Variants in MAMDC2 observed in about 807,000 individuals in gnomAD.
The protein encoded by MAMDC2 is MAM domain containing 2.
In MAMDC2, 57 loss-of-function variants were observed where a neutral mutation model predicts 89.8. The ratio of observed to expected loss-of-function variants is 0.63; its 90% CI spans 0.51 to 0.79. MAMDC2 has a LOEUF of 0.79. Among genes scored for constraint, MAMDC2 ranks in the 30% least tolerant of loss-of-function variants. MAMDC2 has a pLI of 0.00. For missense variants in MAMDC2, 800 were observed against 820.6 expected, an observed-to-expected ratio of 0.97 and a Z score of 0.31; for synonymous variants, 313 against 293.4, an observed-to-expected ratio of 1.07 and a Z score of -0.68.
chr9:70,096,649 A>C (rs1190914311), intron 2 of MAMDC2, among the ~76,000 whole-genome samples: 1 of 152,178 alleles, frequency 6.6e-6, no homozygotes, highest in Non-Finnish European at 1.5e-5. Context: ...GTAATGAGGA[A>C]GCAGGAGAGA....
chr9:70,143,923 G>C (rs2031311316), intron 9 of MAMDC2, 104 bp downstream of exon 9: 3 of 1,392,940 alleles, frequency 2.2e-6, no homozygotes, highest in African/African-American at 1.4e-5. Flanking sequence ...TTTTCCTTCT[G>C]TTCAGGCCTA....
intron 11 of MAMDC2, among the ~76,000 whole-genome samples, chr9:70,198,589 C>G (rs1365378284): frequency 6.6e-6 from 1 of 152,046 alleles, no homozygotes; most frequent in African/African-American, 2.4e-5. Flanking sequence ...AAAAGTCATT[C>G]AGTTCTCTCT....
chr9:70,044,715 A>G lies in MAMDC2; in HGVS notation c.148+18A>G. ...TGAGGAAGGTAAGGAGGCTCGGTGG[A>G]GAGGGGCGCGAAGTGAACTTTCTTC... On this transcript the variant is annotated intron_variant, in intron 2 of 13. Coordinates refer to ENST00000377182, the MANE Select transcript of MAMDC2 (RefSeq NM_153267.5). The G allele has an allele frequency of 6.6e-7, 1 of 1,525,746 alleles. No homozygotes were observed. The highest frequency in any genetic ancestry group is 8.9e-7 in the Non-Finnish European group (1 of 1,123,832). The allele number at this position is 1,525,746 out of a possible 1,614,324, so 94.5% of individuals were successfully genotyped here. A position where few individuals can be genotyped will look rare whatever the true frequency, so the allele number is the denominator to read the frequency against.
rs377749607 is a variant in MAMDC2 at position 70,189,842 on chromosome 9, ATTCT to A, written c.1651+19217_1651+19220del. Among the ~76,000 whole-genome samples, 29 of 151,658 alleles carry A rather than the reference ATTCT, an allele frequency of 1.9e-4. 2 individuals carry two copies. Among genetic ancestry groups the A allele is most frequent in the African/African-American group, 6.8e-4 (28 of 41,366 alleles). ...CATTGACCTGCCTTCAAGTTTAGTGATTCTTTCTTCTGCTAGTTCCAATCTGCTG... is the reference window on the plus strand; with the variant it reads ...CATTGACCTGCCTTCAAGTTTAGTGATTCTTCTGCTAGTTCCAATCTGCTG... On this transcript the variant is annotated intron_variant, in intron 11 of 13. Transcript: ENST00000377182.
At chr9:70,143,967 T>A (rs2031312765) in intron 9 of MAMDC2, 148 bp downstream of exon 9, 2 of 892,360 alleles carry the variant, frequency 2.2e-6, no homozygotes, top group African/African-American at 3.3e-5. Flanking sequence ...CCCAGCCACA[T>A]ACAGGTTAAT....
At chr9:70,095,305 G>A (rs1927105) in intron 2 of MAMDC2, among the ~76,000 whole-genome samples, 1 of 152,280 alleles carries the variant, frequency 6.6e-6, no homozygotes, top group East Asian at 1.9e-4. Context: ...CACTCTGGCT[G>A]TAGTGTGGAG....
intron 11 of MAMDC2, among the ~76,000 whole-genome samples, chr9:70,199,420 T>A (rs1468686667): frequency 6.7e-6 from 1 of 148,410 alleles, no homozygotes; most frequent in Non-Finnish European, 1.5e-5. Flanking sequence ...ATGGTGTATA[T>A]GTGCCACATT....
intron 11 of MAMDC2, among the ~76,000 whole-genome samples, chr9:70,207,259 G>A (rs1020445990): frequency 5.3e-5 from 8 of 152,172 alleles, no homozygotes; most frequent in Non-Finnish European, 2.9e-5. Context: ...GTGTAAAAGT[G>A]TTCCTATTTC....
chr9:70,044,222 G>A lies in MAMDC2; in HGVS notation c.25G>A (p.Ala9Thr), dbSNP rs1826675201. The A allele has an allele frequency of 1.2e-6, 2 of 1,613,312 alleles. No homozygotes were observed. The highest frequency in any genetic ancestry group is 2.7e-5 in the African/African-American group (2 of 75,040). The change falls in exon 1 of 14, where the codon GCG becomes ACG. Residue 9 changes from alanine (A) to threonine (T), a missense_variant. Ala to Thr is a moderately conservative substitution (Grantham distance 58). Transcript: ENST00000377182. ...CATGCTGTTAAGGGGCGTCCTCCTG[G>A]CGTTGCAAGGTAAGGCCTGGACCCC... MLLRGVLL[A>T]LQALQLAGAL... is the part of the protein sequence containing the mutation.
chr9:70,214,395 A>G (rs965204391), intron 11 of MAMDC2, among the ~76,000 whole-genome samples: 1 of 152,208 alleles, frequency 6.6e-6, no homozygotes, highest in African/African-American at 2.4e-5. Context: ...GCCATATTCC[A>G]GGAATAATAC....
chr9:70,209,808 G>T (rs1380546521), intron 11 of MAMDC2, among the ~76,000 whole-genome samples: 3 of 152,194 alleles, frequency 2.0e-5, no homozygotes, highest in African/African-American at 7.2e-5. Context: ...TGCTTTAAAT[G>T]TGTGCCAGAG....
intron 2 of MAMDC2, among the ~76,000 whole-genome samples, chr9:70,048,387 G>T (rs1301472372): frequency 2.0e-5 from 3 of 152,166 alleles, no homozygotes; most frequent in African/African-American, 7.2e-5. Flanking sequence ...TGATTCTCCT[G>T]CCTCAGCCTC....
At chr9:70,153,154 CTTTA>C (rs1291130172) in intron 9 of MAMDC2, 1 of 152,058 alleles carries the variant, frequency 6.6e-6, no homozygotes, top group African/African-American at 2.4e-5. Context: ...AATAATAAAA[CTTTA>C]TTTAATGTTT....
chr9:70,052,056 G>C (rs1826918673), intron 2 of MAMDC2, among the ~76,000 whole-genome samples: 1 of 152,060 alleles, frequency 6.6e-6, no homozygotes, highest in African/African-American at 2.4e-5. Flanking sequence ...TGATTTATTT[G>C]TCCAGAAATG....
Position 70,218,393 on chromosome 9 carries a change from T to C in MAMDC2, c.1708T>C (p.Leu570=). ...GGTGTATGGACAAAAAGCACGCCTC[T>C]TGTCCAGGCCTCTGCGAGGAGTCTC... is the stretch of plus-strand genomic sequence containing the variant. ...HMVYGQKARL[L]SRPLRGVSGK... The change falls in exon 12 of 14, where the codon TTG becomes CTG. Residue 570 remains leucine, a synonymous_variant. Coordinates refer to ENST00000377182, the MANE Select transcript of MAMDC2 (RefSeq NM_153267.5). The C allele has an allele frequency of 1.9e-6, 3 of 1,614,212 alleles. No homozygotes were observed. The highest frequency in any genetic ancestry group is 1.3e-5 in the African/African-American group (1 of 75,062).
Position 70,143,575 on chromosome 9 carries a change from C to G in MAMDC2, c.1160C>G (p.Thr387Arg). The stretch of plus-strand genomic sequence containing the variant: ...GCAGGGTATTACCTGCTAGCCAACA[C>G]AAAGTTCACATCTCAGCCTGGCTAC... ...TGLGYYLLAN[T>R]KFTSQPGYIG... The change falls in exon 9 of 14, where the codon ACA (threonine) becomes AGA (arginine). Residue 387 changes from threonine to arginine, a missense_variant. Transcript: ENST00000377182. 3 of 1,614,144 alleles carry G rather than the reference C, an allele frequency of 1.9e-6. No individual in the cohort carries two copies. Among genetic ancestry groups the G allele is most frequent in the Non-Finnish European group, 2.5e-6 (3 of 1,179,998 alleles).
At chr9:70,125,728 G>A (rs1262765024) in intron 5 of MAMDC2, among the ~76,000 whole-genome samples, 4 of 152,150 alleles carry the variant, frequency 2.6e-5, no homozygotes, top group Non-Finnish European at 5.9e-5. Flanking sequence ...TTTAAGAATA[G>A]ATGGTAAGCT....
intron 2 of MAMDC2, 100 bp from the exon 3 acceptor site, chr9:70,108,111 G>A: frequency 8.4e-7 from 1 of 1,193,078 alleles, no homozygotes; most frequent in Non-Finnish European, 1.2e-6. Context: ...AAATATATCT[G>A]CAGGTTTATC....
chr9:70,120,372 A>T (rs952622509), intron 5 of MAMDC2, among the ~76,000 whole-genome samples: 2 of 152,182 alleles, frequency 1.3e-5, no homozygotes, highest in Non-Finnish European at 2.9e-5. Flanking sequence ...GGAGGGGATG[A>T]GGTTACATGG....
Sources: gnomAD v4.1 joint callset for allele counts (sites outside exome capture counted in the v4.1 genomes callset) on GRCh38, gnomAD v4.1.1 for gene constraint, MANE v1.5 for transcripts, NCBI Gene and HGNC (gene_info 2026-07-23, HGNC 2026-07-21) for gene names.